MYH1: variants seen among roughly 807,000 people sequenced by gnomAD.
MYH1 encodes the protein myosin-1.
MYH1 carries 214 observed loss-of-function variants against 225.6 expected under a neutral mutation model. That is an observed-to-expected ratio of 0.95 (90% CI 0.85 to 1.06). The LOEUF (loss-of-function observed/expected upper bound fraction) is 1.06, where lower values mean the gene tolerates loss of function less well. Among genes scored for constraint, MYH1 ranks in the 50% least tolerant of loss-of-function variants. The pLI is 0.00. For synonymous variants in MYH1, 774 were observed against 842.3 expected, an observed-to-expected ratio of 0.92 and a Z score of 1.40; for missense variants, 2,098 against 2,344.2, an observed-to-expected ratio of 0.89 and a Z score of 2.17.
At position 10,502,781 on chromosome 17, in the gene MYH1, G is replaced by T. The variant is rs1597438130; in HGVS notation, c.3068C>A (p.Thr1023Asn). Reference protein sequence around the residue: ...DLQAEEDKVNTLTKAKIKLEQ... With the variant: ...DLQAEEDKVNNLTKAKIKLEQ... ...AAGTTTGATTTTAGCTTTGGTCAGG[G>T]TGTTGACTTTGTCCTCCTCTGCCTG... The change falls in exon 24 of 40, where the codon ACC becomes AAC. Residue 1023 changes from threonine to asparagine, a missense_variant. Physicochemically the swap from Thr to Asn is moderately conservative, Grantham distance 65. Coordinates refer to ENST00000226207, the MANE Select transcript of MYH1 (RefSeq NM_005963.4). 8 of 1,614,052 alleles carry T rather than the reference G, an allele frequency of 5.0e-6. No homozygotes were observed. Among genetic ancestry groups the T allele is most frequent in the Admixed American group, 1.7e-5 (1 of 60,018 alleles).
chr17:10,505,765 A>G (rs764134986), intron 19 of MYH1, 47 bp downstream of exon 19: 11 of 1,608,044 alleles, frequency 6.8e-6, no homozygotes. Context: ...AAATGTTTAA[A>G]AAGTAATAAA....
Position 10,516,543 on chromosome 17 carries a change from C to A in MYH1, c.100G>T (p.Ala34Ser). The part of the protein sequence containing the change: ...RIEAQNKPFD[A>S]KTSVFVVDPK... The stretch of plus-strand genomic sequence containing the variant: ...TCCACCACAAAGACTGATGTCTTGG[C>A]ATCAAAAGGCTTGTTCTGGGCTTCA... Residue 34 changes from alanine (A) to serine (S), a missense_variant, in exon 3 of 40, where the codon GCC becomes TCC. Coordinates refer to ENST00000226207, the MANE Select transcript of MYH1 (RefSeq NM_005963.4). 1 of 1,614,182 alleles carries A rather than the reference C, an allele frequency of 6.2e-7. No homozygotes were observed. Among genetic ancestry groups the A allele is most frequent in the Non-Finnish European group, 8.5e-7 (1 of 1,180,028 alleles).
intron 28 of MYH1, among the ~76,000 whole-genome samples, chr17:10,500,208 A>G (rs1014343830): frequency 3.9e-5 from 6 of 152,160 alleles, no homozygotes; most frequent in Non-Finnish European, 8.8e-5. Flanking sequence ...TGAGGAAAAT[A>G]AAGTAACACA....
intron 22 of MYH1, among the ~76,000 whole-genome samples, chr17:10,504,027 T>C (rs968716792): frequency 3.3e-5 from 5 of 152,240 alleles, no homozygotes; most frequent in Non-Finnish European, 7.3e-5. Context: ...TTTCTAAATA[T>C]GTGTCCCAAA....
intron 17 of MYH1, among the ~76,000 whole-genome samples, chr17:10,507,199 A>G (rs1221708371): frequency 4.6e-5 from 7 of 151,910 alleles, no homozygotes; most frequent in African/African-American, 1.7e-4. Flanking sequence ...AGTAGCTGGG[A>G]TTACAGGTGT....
rs747307206 is a variant in MYH1 at position 10,506,023 on chromosome 17, G to A, written c.2045C>T (p.Thr682Ile). 3.7e-6 allele frequency: 6 copies of A among 1,614,204 alleles called. No homozygotes were observed. Among genetic ancestry groups the A allele is most frequent in the South Asian group, 1.1e-5 (1 of 91,082 alleles). ...CAGAAATGTCTTACCAGGAGTTTTA[G>A]TTTCATTGGGGATGATGCACCGCAC... Reference protein sequence around the residue: ...HFVRCIIPNETKTPGAMEHEL... With the variant: ...HFVRCIIPNEIKTPGAMEHEL... The change falls in exon 18 of 40, where the codon ACT (threonine) becomes ATT (isoleucine). Residue 682 changes from threonine to isoleucine, a missense_variant. Coordinates refer to ENST00000226207, the MANE Select transcript of MYH1 (RefSeq NM_005963.4).
chr17:10,497,278 T>A lies in MYH1; in HGVS notation c.4531+9A>T. 6.3e-7 allele frequency: 1 copy of A among 1,594,990 alleles called. No individual in the cohort carries two copies. The highest frequency in any genetic ancestry group is 8.5e-7 in the Non-Finnish European group (1 of 1,174,994). ...TTTTATTGTTAAAGAAAAGGTAAAA[T>A]GTTCTCACGTTGCAAATTCTTATTT... On this transcript the variant is annotated intron_variant, in intron 32 of 39. Coordinates refer to ENST00000226207, the MANE Select transcript of MYH1 (RefSeq NM_005963.4).
In MYH1 at chr17:10,497,157, C is replaced by T; in HGVS notation, c.4568G>A (p.Gly1523Glu). The change falls in exon 33 of 40, where the codon GGA (glycine) becomes GAA (glutamate). Residue 1523 changes from glycine (G) to glutamate (E), a missense_variant. Physicochemically the swap from Gly to Glu is moderately conservative, Grantham distance 98 (BLOSUM62 -2). Coordinates refer to ENST00000226207, the MANE Select transcript of MYH1 (RefSeq NM_005963.4). ...TTCCAGTTCATGGATGCGCTTTCCT[C>T]CTTCTGCAATCTGTTCAGTGAGATC... ...ISDLTEQIAE[G>E]GKRIHELEKI... 6.2e-7 allele frequency: 1 copy of T among 1,614,080 alleles called. No individual in the cohort carries two copies. Among genetic ancestry groups the T allele is most frequent in the Non-Finnish European group, 8.5e-7 (1 of 1,180,010 alleles).
chr17:10,506,494 T>G (rs1597439909), intron 17 of MYH1, among the ~76,000 whole-genome samples: 3 of 152,064 alleles, frequency 2.0e-5, no homozygotes, highest in Admixed American at 2.0e-4. Context: ...TTTCTTCTTC[T>G]TCTTTTTTTT....
rs988546710 is a variant in MYH1 at position 10,509,501 on chromosome 17, A to G, written c.1571T>C (p.Ile524Thr). 1 of 1,614,132 alleles carries G rather than the reference A, an allele frequency of 6.2e-7. No individual in the cohort carries two copies. The highest frequency in any genetic ancestry group is 1.1e-5 in the South Asian group (1 of 91,074). Residue 524 changes from isoleucine to threonine, a missense_variant, in exon 15 of 40, where the codon ATC becomes ACC. Coordinates refer to ENST00000226207, the MANE Select transcript of MYH1 (RefSeq NM_005963.4). ...IDFGMDLAAC[I>T]ELIEKPMGIF... is the part of the protein sequence containing the mutation. ...CAAGCCAACCTTCTCGATGAGCTCG[A>G]TGCAGGCAGCCAGGTCCATCCCAAA...
rs770219333 is a variant in MYH1, at chr17:10,514,907, A to G, written c.506-12T>C. On this transcript the variant is annotated splice_polypyrimidine_tract_variant and intron_variant, in intron 5 of 39. Transcript: ENST00000226207. The stretch of plus-strand genomic sequence containing the variant: ...CTGATTCTCCCGATCTAGAAGAAAA[A>G]CAGTGGAAAATCAGCATATGTATCA... 1.9e-6 allele frequency: 3 copies of G among 1,612,068 alleles called. No individual in the cohort carries two copies. The highest frequency in any genetic ancestry group is 2.5e-6 in the Non-Finnish European group (3 of 1,178,452).
In MYH1 at chr17:10,501,457, C is replaced by G; in HGVS notation, c.3391G>C (p.Ala1131Pro). ...TGCTTCTCTGCTTTGGCCCGGGAGG[C>G]CCGCTCTGCCTCGATTTCCTCCTCC... The part of the protein sequence containing the change: ...ELEEEIEAER[A>P]SRAKAEKQRS... The change falls in exon 27 of 40, where the codon GCC becomes CCC. Residue 1131 changes from alanine (A) to proline (P), a missense_variant. Physicochemically the swap from Ala to Pro is conservative, Grantham distance 27. Coordinates refer to ENST00000226207, the MANE Select transcript of MYH1 (RefSeq NM_005963.4). The G allele has an allele frequency of 6.2e-7, 1 of 1,614,242 alleles. No individual in the cohort carries two copies.
chr17:10,511,222 T>C (rs2073167692), intron 14 of MYH1, among the ~76,000 whole-genome samples: 1 of 151,606 alleles, frequency 6.6e-6, no homozygotes, highest in Non-Finnish European at 1.5e-5. Context: ...AGTAGCCCTA[T>C]TTCCTAAGCT....
At position 10,516,434 on chromosome 17, in the gene MYH1, C is replaced by A; in HGVS notation, c.204+5G>T. 1 of 1,614,232 alleles carries A rather than the reference C, an allele frequency of 6.2e-7. No individual in the cohort carries two copies. The highest frequency in any genetic ancestry group is 2.2e-5 in the East Asian group (1 of 44,884). ...GTCTAATCAGCTCCAGGTGTTTTTA[C>A]TCACAGCTCCAGCTTCGGTCTTAGC... On this transcript the variant is annotated splice_donor_5th_base_variant and intron_variant, in intron 3 of 39. Coordinates refer to ENST00000226207, the MANE Select transcript of MYH1 (RefSeq NM_005963.4).
intron 22 of MYH1, 69 bp downstream of exon 22, chr17:10,504,741 T>G (rs1418849147): frequency 1.3e-6 from 2 of 1,541,412 alleles, no homozygotes; most frequent in Non-Finnish European, 1.8e-6. Context: ...AGAATCTAGA[T>G]CTCTCCTTAG....
At chr17:10,508,750 C>G in intron 15 of MYH1, 78 bp from the exon 16 acceptor site, 1 of 1,527,002 alleles carries the variant, frequency 6.5e-7, no homozygotes, top group South Asian at 1.3e-5. Flanking sequence ...AATAATTATC[C>G]CATCTGAGTA....
intron 17 of MYH1, 130 bp downstream of exon 17, chr17:10,507,756 C>G: frequency 1.3e-6 from 1 of 761,986 alleles, no homozygotes. Flanking sequence ...TCAGTCTTAC[C>G]ACTACCAGCT....
In MYH1 at chr17:10,505,043, A is replaced by G; in HGVS notation, c.2458T>C (p.Tyr820His). The G allele has an allele frequency of 6.2e-7, 1 of 1,614,200 alleles. No homozygotes were observed. The highest frequency in any genetic ancestry group is 2.2e-5 in the East Asian group (1 of 44,882). Residue 820 changes from tyrosine to histidine, a missense_variant, in exon 22 of 40, where the codon TAC (tyrosine) becomes CAC (histidine). Transcript: ENST00000226207. ...ERRESIFCIQ[Y>H]NVRAFMNVKH... ...ACATTCATGAAGGCACGGACATTGT[A>G]CTGGATGCAGAAGATGGACTCTCTG...
Position 10,505,480 on chromosome 17 carries a change from C to T in MYH1, c.2206G>A (p.Glu736Lys). The change falls in exon 20 of 40, where the codon GAA (glutamate) becomes AAA (lysine). Residue 736 changes from glutamate (E) to lysine (K), a missense_variant. Physicochemically the swap from Glu to Lys is moderately conservative, Grantham distance 56 (BLOSUM62 1). Transcript: ENST00000226207. ...YKVLNASAIPEGQFIDSKKAS... is the reference protein window; with the variant it reads ...YKVLNASAIPKGQFIDSKKAS... ...TTCTTGCTATCGATGAATTGTCCTT[C>T]AGGGATAGCACTTGCATTTAACACC... The T allele has an allele frequency of 1.9e-6, 3 of 1,614,216 alleles. No homozygotes were observed. The highest frequency in any genetic ancestry group is 2.5e-6 in the Non-Finnish European group (3 of 1,180,038).
Sources: allele counts gnomAD v4.1 joint callset (sites outside exome capture counted in the v4.1 genomes callset), GRCh38; gene constraint gnomAD v4.1.1; transcripts MANE v1.5; gene names NCBI Gene and HGNC (gene_info 2026-07-23, HGNC 2026-07-21).